ENPEP: variants seen among roughly 807,000 people sequenced by gnomAD.
The protein encoded by ENPEP is glutamyl aminopeptidase.
ENPEP carries 103 observed loss-of-function variants against 114.5 expected under a neutral mutation model. The observed-to-expected ratio is 0.90, with a 90% CI of 0.77 to 1.06. The LOEUF (loss-of-function observed/expected upper bound fraction) is 1.06, where lower values mean the gene tolerates loss of function less well. Among genes scored for constraint, ENPEP ranks in the 50% least tolerant of loss-of-function variants. The pLI is 0.00. For missense variants in ENPEP, 1,196 were observed against 1,161.3 expected (o/e 1.03, Z -0.43); for synonymous variants, 420 against 422.0 (o/e 1.00, Z 0.06).
At chr4:110,539,309 G>A (rs527252843) in intron 11 of ENPEP, among the ~76,000 whole-genome samples, 2 of 152,222 alleles carry the variant, frequency 1.3e-5, no homozygotes, top group East Asian at 3.9e-4. Context: ...ATTTAGAATG[G>A]ACCCTGTAAT....
At chr4:110,519,984 A>G in intron 8 of ENPEP, 24 bp from the exon 9 acceptor site, 4 of 1,603,518 alleles carry the variant, frequency 2.5e-6, no homozygotes, top group Non-Finnish European at 3.4e-6. Context: ...GACTTCTAAC[A>G]TGCTGATTAT....
At chr4:110,480,893 C>G (rs1462262795) in intron 1 of ENPEP, among the ~76,000 whole-genome samples, 8 of 152,172 alleles carry the variant, frequency 5.3e-5, no homozygotes, top group Non-Finnish European at 1.5e-5. Flanking sequence ...AGGAAAACCA[C>G]TTGGAAGGAT....
At chr4:110,500,680 C>T (rs140664112) in intron 3 of ENPEP, among the ~76,000 whole-genome samples, 75 of 152,272 alleles carry the variant, frequency 4.9e-4, no homozygotes, top group African/African-American at 1.7e-3. Context: ...TACATGTATG[C>T]ATCCCTCCTC....
chr4:110,495,357 CCTACAGTAA>C (rs1325304864), intron 3 of ENPEP, among the ~76,000 whole-genome samples: 1 of 152,130 alleles, frequency 6.6e-6, no homozygotes, highest in East Asian at 1.9e-4. Context: ...GTACAGTTGA[CCTACAGTAA>C]CTTTCCCAGA....
At chr4:110,547,377 G>C (rs892682206) in intron 13 of ENPEP, among the ~76,000 whole-genome samples, 31 of 152,084 alleles carry the variant, frequency 2.0e-4, no homozygotes, top group Middle Eastern at 3.2e-3. Flanking sequence ...CTTAAATGGA[G>C]TTTGAGACCC....
Position 110,543,195 on chromosome 4 carries a change from A to G in ENPEP, c.2000+125A>G, listed in dbSNP as rs1420878052. 4.3e-6 allele frequency: 4 copies of G among 921,034 alleles called. No individual in the cohort carries two copies. The African/African-American group carries it at 6.7e-5, about 16-fold the overall frequency. 57.1% of individuals were successfully genotyped at this position (921,034 alleles called of 1,614,324 possible). On this transcript the variant is annotated intron_variant, in intron 13 of 19. Coordinates refer to ENST00000265162, the MANE Select transcript of ENPEP (RefSeq NM_001977.4). ...TTAAAATATCCAAAGCCACTATTTA[A>G]AACATTATTGTTTTCCTTAACTCTC...
chr4:110,555,384 T>G (rs1669531983), intron 18 of ENPEP, among the ~76,000 whole-genome samples: 1 of 152,074 alleles, frequency 6.6e-6, no homozygotes, highest in Non-Finnish European at 1.5e-5. Context: ...TTTCCAAATT[T>G]CAGGATGAAT....
intron 1 of ENPEP, among the ~76,000 whole-genome samples, chr4:110,480,558 C>T (rs373370483): frequency 1.3e-5 from 2 of 152,120 alleles, no homozygotes; most frequent in South Asian, 2.1e-4. Context: ...AATGTAACTC[C>T]AGGATTGAGT....
chr4:110,502,818 G>A (rs1468122009), intron 3 of ENPEP, among the ~76,000 whole-genome samples: 3 of 152,092 alleles, frequency 2.0e-5, no homozygotes, highest in Non-Finnish European at 4.4e-5. Context: ...ATCACTGGTT[G>A]TTTGATAGGA....
chr4:110,500,786 G>A (rs1336774906), intron 3 of ENPEP, among the ~76,000 whole-genome samples: 2 of 152,128 alleles, frequency 1.3e-5, no homozygotes, highest in East Asian at 3.8e-4. Flanking sequence ...ATTAAATAAT[G>A]ATGACGAGTC....
intron 5 of ENPEP, 31 bp from the exon 6 acceptor site, chr4:110,510,214 G>A (rs1725523655): frequency 1.3e-6 from 2 of 1,564,246 alleles, no homozygotes; most frequent in Non-Finnish European, 1.8e-6. Flanking sequence ...CCATAAGAAT[G>A]TAATTATCTC....
intron 2 of ENPEP, among the ~76,000 whole-genome samples, chr4:110,489,421 TA>T (rs1463470348): frequency 1.3e-5 from 2 of 151,976 alleles, no homozygotes; most frequent in Non-Finnish European, 2.9e-5. Flanking sequence ...GGTGGGGGGC[TA>T]GGGGAGCGAC....
intron 9 of ENPEP, 22 bp downstream of exon 9, chr4:110,520,095 C>T (rs1725928078): frequency 6.2e-7 from 1 of 1,610,484 alleles, no homozygotes. Flanking sequence ...TATATGTCCC[C>T]AAATATTTCT....
chr4:110,540,562 G>C (rs1010936808), intron 11 of ENPEP, among the ~76,000 whole-genome samples: 1 of 152,138 alleles, frequency 6.6e-6, no homozygotes, highest in Admixed American at 6.6e-5. Context: ...TCCAAAAGTA[G>C]CATGAACTTG....
rs377344391 is a variant in ENPEP at position 110,499,616 on chromosome 4, A to G, written c.919-7021A>G. 5.3e-5 allele frequency among the ~76,000 whole-genome samples: 8 copies of G among 152,316 alleles called. No homozygotes were observed. The South Asian group carries it at 1.7e-3, about 32-fold the overall frequency. On this transcript the variant is annotated intron_variant, in intron 3 of 19. Coordinates refer to ENST00000265162, the MANE Select transcript of ENPEP (RefSeq NM_001977.4). ...TTTGAATACTATATGTTAATGATTA[A>G]CTACAGTGGGATTTGGGGCAATGTC...
intron 10 of ENPEP, among the ~76,000 whole-genome samples, chr4:110,522,556 A>T (rs906478180): frequency 2.0e-5 from 3 of 152,204 alleles, no homozygotes; most frequent in Non-Finnish European, 4.4e-5. Context: ...GGACACAAGG[A>T]TTCTGATTAA....
chr4:110,496,305 T>A (rs758893425), intron 3 of ENPEP, among the ~76,000 whole-genome samples: 1 of 152,240 alleles, frequency 6.6e-6, no homozygotes, highest in Non-Finnish European at 1.5e-5. Flanking sequence ...ATAGAAATAA[T>A]CTTATTTTTT....
At position 110,548,292 on chromosome 4, in the gene ENPEP, T is replaced by C. The variant is rs1214533344; in HGVS notation, c.2117T>C (p.Phe706Ser). ...ISAVTYIISM[F>S]EDDKELYPMI... ...GCTGTAACCTACATCATTAGCATGT[T>C]TGAAGATGATAAAGAGCTATATCCT... is the stretch of plus-strand genomic sequence containing the variant. Residue 706 changes from phenylalanine (F) to serine (S), a missense_variant, in exon 14 of 20, where the codon TTT becomes TCT. By Grantham distance (155) the Phe-to-Ser change is radical. Transcript: ENST00000265162. The C allele has an allele frequency of 6.2e-7, 1 of 1,603,900 alleles. No homozygotes were observed. The highest frequency in any genetic ancestry group is 8.5e-7 in the Non-Finnish European group (1 of 1,175,490).
At chr4:110,528,616 A>C (rs146168876) in intron 10 of ENPEP, among the ~76,000 whole-genome samples, 2 of 152,348 alleles carry the variant, frequency 1.3e-5, no homozygotes, top group African/African-American at 4.8e-5. Context: ...CTTTAACACC[A>C]TGTCCTCAAC....
Sources: allele counts gnomAD v4.1 joint callset (sites outside exome capture counted in the v4.1 genomes callset), GRCh38; gene constraint gnomAD v4.1.1; transcripts MANE v1.5; gene names NCBI Gene and HGNC (gene_info 2026-07-23, HGNC 2026-07-21).